ABHD13: variants seen among roughly 807,000 people sequenced by gnomAD.
The protein encoded by ABHD13 is protein ABHD13.
In ABHD13, 7 loss-of-function variants were observed where a neutral mutation model predicts 25.2. The observed-to-expected ratio is 0.28, with a 90% CI of 0.16 to 0.52. ABHD13 has a LOEUF of 0.52. Among genes scored for constraint, ABHD13 ranks in the 20% least tolerant of loss-of-function variants. The probability of loss-of-function intolerance (pLI) is 0.96; values close to 1 mark genes in which losing one functional copy is unlikely to be tolerated. For missense variants in ABHD13, 302 were observed against 402.7 expected (o/e 0.75, Z 2.14); for synonymous variants, 133 against 136.1 (o/e 0.98, Z 0.16).
chr13:108,231,894 A>T lies in ABHD13; in HGVS notation c.*1662A>T. 6.0e-6 allele frequency: 1 copy of T among 167,012 alleles called. No homozygotes were observed. 10.3% of individuals were successfully genotyped at this position (167,012 alleles called of 1,614,324 possible). On this transcript the variant is annotated 3_prime_UTR_variant, in exon 2 of 2. Transcript: ENST00000375898. The stretch of plus-strand genomic sequence containing the variant: ...TTTCTATAAATTACTAATTGTAAAA[A>T]GTCTTGCTTTTTAAAACAAGTTGGT...
chr13:108,224,158 C>T (rs1022913625), intron 1 of ABHD13, among the ~76,000 whole-genome samples: 1 of 152,186 alleles, frequency 6.6e-6, no homozygotes, highest in Non-Finnish European at 1.5e-5. Context: ...CAATTGTCAT[C>T]TTTCTTTGAT....
chr13:108,229,114 C>T lies in ABHD13; in HGVS notation c.-20-85C>T. 2 of 1,022,832 alleles carry T rather than the reference C, an allele frequency of 2.0e-6. No individual in the cohort carries two copies. The highest frequency in any genetic ancestry group is 2.4e-4 in the Middle Eastern group (1 of 4,246). The allele number at this position is 1,022,832 out of a possible 1,614,324, so 63.4% of individuals were successfully genotyped here. A position where few individuals can be genotyped will look rare whatever the true frequency, so the allele number is the denominator to read the frequency against. On this transcript the variant is annotated intron_variant, in intron 1 of 1. Transcript: ENST00000375898. This position sits in a 1 kb window ranked among gnomAD's most constrained non-coding sequence, Gnocchi z 4.7. Reference sequence around the variant, plus strand: ...TACCATATTTAACAATTACATGTGGCCTAGTACCATAGTTTATTATATTGT... The same window carrying T: ...TACCATATTTAACAATTACATGTGGTCTAGTACCATAGTTTATTATATTGT...
intron 1 of ABHD13, among the ~76,000 whole-genome samples, chr13:108,226,411 TG>T (rs1879672924): frequency 6.6e-6 from 1 of 152,178 alleles, no homozygotes; most frequent in African/African-American, 2.4e-5. Context: ...TGTTTAGCCC[TG>T]CTCACTGTCC....
Position 108,232,025 on chromosome 13 carries a change from A to G in ABHD13, c.*1793A>G, listed in dbSNP as rs1218485070. ...GAATGACTATTCTAAATATTAATGTATTAAAAAGAAAATACAACAAAATGT... is the reference window on the plus strand; with the variant it reads ...GAATGACTATTCTAAATATTAATGTGTTAAAAAGAAAATACAACAAAATGT... On this transcript the variant is annotated 3_prime_UTR_variant, in exon 2 of 2. Coordinates refer to ENST00000375898, the MANE Select transcript of ABHD13 (RefSeq NM_032859.3). The G allele has an allele frequency of 6.0e-6, 1 of 166,796 alleles. No homozygotes were observed. Among genetic ancestry groups the G allele is most frequent in the Non-Finnish European group, 1.5e-5 (1 of 68,006 alleles). 10.3% of individuals were successfully genotyped at this position (166,796 alleles called of 1,614,324 possible).
intron 1 of ABHD13, among the ~76,000 whole-genome samples, chr13:108,222,601 A>G (rs1357485727): frequency 3.3e-5 from 5 of 152,126 alleles, no homozygotes; most frequent in East Asian, 3.8e-4. Flanking sequence ...TTTTGTATGT[A>G]TGTGGATTAT....
intron 1 of ABHD13, among the ~76,000 whole-genome samples, chr13:108,223,789 C>T (rs1879616159): frequency 6.6e-6 from 1 of 152,182 alleles, no homozygotes; most frequent in Non-Finnish European, 1.5e-5. Context: ...TTTTGAGAAC[C>T]ACTGGCATAG....
chr13:108,231,946 G>C lies in ABHD13; in HGVS notation c.*1714G>C, dbSNP rs950079945. The C allele has an allele frequency of 3.0e-5, 5 of 166,684 alleles. No individual in the cohort carries two copies. Among genetic ancestry groups the C allele is most frequent in the South Asian group, 2.1e-4 (1 of 4,828 alleles). 10.3% of individuals were successfully genotyped at this position (166,684 alleles called of 1,614,324 possible). A position where few individuals can be genotyped will look rare whatever the true frequency, so the allele number is the denominator to read the frequency against. On this transcript the variant is annotated 3_prime_UTR_variant, in exon 2 of 2. Coordinates refer to ENST00000375898, the MANE Select transcript of ABHD13 (RefSeq NM_032859.3). ...ATGCATATCATGGAAGGCATATTTT[G>C]TATGTATAAATTCACCACAATTAAA... is the stretch of plus-strand genomic sequence containing the variant.
chr13:108,227,930 A>G lies in ABHD13; in HGVS notation c.-20-1269A>G, dbSNP rs116764155. On this transcript the variant is annotated intron_variant, in intron 1 of 1. Transcript: ENST00000375898. The stretch of plus-strand genomic sequence containing the variant: ...GTTCAGTTCATTTGAATAATAATTC[A>G]AATGTAAAAGTCTATGTTTAGTGAA... Among the ~76,000 whole-genome samples, 511 of 152,186 alleles carry G rather than the reference A, an allele frequency of 3.4e-3. 1 individual carries two copies. Among genetic ancestry groups the G allele is most frequent in the African/African-American group, 0.012 (497 of 41,564 alleles).
chr13:108,223,251 G>A (rs879632636), intron 1 of ABHD13, among the ~76,000 whole-genome samples: 1 of 152,146 alleles, frequency 6.6e-6, no homozygotes, highest in Non-Finnish European at 1.5e-5. Context: ...AAGTGTCTAG[G>A]AGCTATTGGC....
chr13:108,229,399 C>G lies in ABHD13; in HGVS notation c.181C>G (p.Gln61Glu). The G allele has an allele frequency of 1.2e-6, 2 of 1,612,416 alleles. No homozygotes were observed. Among genetic ancestry groups the G allele is most frequent in the Non-Finnish European group, 1.7e-6 (2 of 1,179,124 alleles). ...ISIAGILYKFQDVLLYFPEQP... is the reference protein window; with the variant it reads ...ISIAGILYKFEDVLLYFPEQP... The stretch of plus-strand genomic sequence containing the variant: ...AATAGCAGGTATTCTGTATAAATTC[C>G]AGGATGTATTGCTTTATTTTCCAGA... The change falls in exon 2 of 2, where the codon CAG becomes GAG. Residue 61 changes from glutamine (Q) to glutamate (E), a missense_variant. Transcript: ENST00000375898. The surrounding 1 kb of genome is among the most constrained non-coding windows in gnomAD (Gnocchi z 4.7).
chr13:108,223,602 C>T (rs1265293181), intron 1 of ABHD13, among the ~76,000 whole-genome samples: 1 of 152,216 alleles, frequency 6.6e-6, no homozygotes, highest in African/African-American at 2.4e-5. Context: ...ACACGTGAGG[C>T]CACTACCTTG....
chr13:108,231,101 A>G lies in ABHD13; in HGVS notation c.*869A>G, dbSNP rs1381675249. ...TGAACCACTAATAGCAGTCATAGTG[A>G]AGATTAGCACTACTTAGAATTAAAT... On this transcript the variant is annotated 3_prime_UTR_variant, in exon 2 of 2. Coordinates refer to ENST00000375898, the MANE Select transcript of ABHD13 (RefSeq NM_032859.3). The G allele has an allele frequency of 6.0e-6, 1 of 166,706 alleles. No homozygotes were observed. Among genetic ancestry groups the G allele is most frequent in the East Asian group, 1.9e-4 (1 of 5,200 alleles). 10.3% of individuals were successfully genotyped at this position (166,706 alleles called of 1,614,324 possible).
intron 1 of ABHD13, among the ~76,000 whole-genome samples, chr13:108,225,265 G>A (rs752843198): frequency 5.3e-5 from 8 of 152,174 alleles, no homozygotes; most frequent in African/African-American, 1.7e-4. Context: ...CATCAGGTAC[G>A]TGAGGAACAG....
chr13:108,224,716 A>G (rs1879637690), intron 1 of ABHD13, among the ~76,000 whole-genome samples: 1 of 152,066 alleles, frequency 6.6e-6, no homozygotes, highest in Non-Finnish European at 1.5e-5. Context: ...CAAATTGTTT[A>G]TTGTATACCC....
At chr13:108,225,359 G>T (rs1879652978) in intron 1 of ABHD13, among the ~76,000 whole-genome samples, 1 of 152,124 alleles carries the variant, frequency 6.6e-6, no homozygotes, top group African/African-American at 2.4e-5. Flanking sequence ...CCATGAAAAG[G>T]AATGAAATCA....
chr13:108,234,211 CAT>C lies in ABHD13; in HGVS notation c.*3982_*3983del, dbSNP rs1313390876. The C allele has an allele frequency of 1.1e-4, 18 of 166,794 alleles. No homozygotes were observed. The highest frequency in any genetic ancestry group is 4.8e-5 in the African/African-American group (2 of 41,420). The allele number at this position is 166,794 out of a possible 1,614,324, so 10.3% of individuals were successfully genotyped here. On this transcript the variant is annotated 3_prime_UTR_variant, in exon 2 of 2. Coordinates refer to ENST00000375898, the MANE Select transcript of ABHD13 (RefSeq NM_032859.3). Reference sequence around the variant, plus strand: ...TATACTTTCTATTTTTCTGTACTGACATATGCAATAAATTGGTACATTAAAAA... The same window carrying C: ...TATACTTTCTATTTTTCTGTACTGACATGCAATAAATTGGTACATTAAAAA...
Position 108,231,073 on chromosome 13 carries a change from A to C in ABHD13, c.*841A>C, listed in dbSNP as rs1219611152. On this transcript the variant is annotated 3_prime_UTR_variant, in exon 2 of 2. Transcript: ENST00000375898. ...GCTTCTATCGATTTTGTAAGTCTTC[A>C]GCTGAACCACTAATAGCAGTCATAG... is the stretch of plus-strand genomic sequence containing the variant. 1 of 166,720 alleles carries C rather than the reference A, an allele frequency of 6.0e-6. No individual in the cohort carries two copies. The highest frequency in any genetic ancestry group is 1.5e-5 in the Non-Finnish European group (1 of 67,962). The allele number at this position is 166,720 out of a possible 1,614,324, so 10.3% of individuals were successfully genotyped here. A position where few individuals can be genotyped will look rare whatever the true frequency, so the allele number is the denominator to read the frequency against.
Position 108,232,786 on chromosome 13 carries a change from AT to A in ABHD13, c.*2556del, listed in dbSNP as rs554051601. On this transcript the variant is annotated 3_prime_UTR_variant, in exon 2 of 2. Transcript: ENST00000375898. ...CACATCCATTATTTTAAAGGGAATGATTGGGGGGAAAAACTGGTGAAAAAGA... is the reference window on the plus strand; with the variant it reads ...CACATCCATTATTTTAAAGGGAATGATGGGGGGAAAAACTGGTGAAAAAGA... 66 of 166,962 alleles carry A rather than the reference AT, an allele frequency of 4.0e-4. No individual in the cohort carries two copies. The highest frequency in any genetic ancestry group is 1.5e-3 in the African/African-American group (62 of 41,556). The allele number at this position is 166,962 out of a possible 1,614,324, so 10.3% of individuals were successfully genotyped here.
At chr13:108,219,050 C>T (rs1879473640) in intron 1 of ABHD13, among the ~76,000 whole-genome samples, 1 of 152,002 alleles carries the variant, frequency 6.6e-6, no homozygotes, top group Admixed American at 6.6e-5. Context: ...TGTGTACAAA[C>T]CTAAGATCCC....
Sources: gnomAD v4.1 joint callset for allele counts (sites outside exome capture counted in the v4.1 genomes callset) on GRCh38, gnomAD v4.1.1 for gene constraint, Gnocchi (gnomAD v3.1) non-coding constraint, MANE v1.5 for transcripts, NCBI Gene and HGNC (gene_info 2026-07-23, HGNC 2026-07-21) for gene names.